Variants in FBXO11 observed in about 807,000 individuals in gnomAD.
FBXO11 encodes F-box protein 11.
In FBXO11, 13 loss-of-function variants were observed where a neutral mutation model predicts 117.0. The ratio of observed to expected loss-of-function variants is 0.11; its 90% CI spans 0.07 to 0.18. The LOEUF is 0.18. Ranked by LOEUF, FBXO11 falls within the 10% of genes least tolerant of loss-of-function variation. FBXO11 has a pLI of 1.00. For synonymous variants in FBXO11, 490 were observed against 380.5 expected, an observed-to-expected ratio of 1.29 and a Z score of -3.35; for missense variants, 767 against 1,164.4, an observed-to-expected ratio of 0.66 and a Z score of 4.97.
rs745831855 is a variant in FBXO11, at chr2:47,832,399, G to T, written c.1348C>A (p.His450Asn). 1 of 1,613,480 alleles carries T rather than the reference G, an allele frequency of 6.2e-7. No homozygotes were observed. ...NHGNPIIRRN[H>N]IHHGRDVGVF... ...CCAACATCACGTCCATGATGAATAT[G>T]ATTCCGTCTAATAATTGGGTTTCCA... Residue 450 changes from histidine (H) to asparagine (N), a missense_variant, in exon 11 of 23, where the codon CAT becomes AAT. This residue lies in a region of FBXO11 where 33 missense variants were observed against 66.1 expected (regional missense o/e 0.50). Coordinates refer to ENST00000403359, the MANE Select transcript of FBXO11 (RefSeq NM_001190274.2).
At chr2:47,881,030 A>G (rs1407545810) in intron 1 of FBXO11, among the ~76,000 whole-genome samples, 2 of 152,164 alleles carry the variant, frequency 1.3e-5, no homozygotes, top group South Asian at 2.1e-4. Context: ...TGAGGTGGGC[A>G]GATCACAAAG....
chr2:47,849,577 A>C (rs901979663), intron 1 of FBXO11, among the ~76,000 whole-genome samples: 2 of 152,262 alleles, frequency 1.3e-5, no homozygotes, highest in Non-Finnish European at 2.9e-5. Flanking sequence ...CAAGAGCCTA[A>C]GAGACAGACA....
At chr2:47,817,857 C>G (rs1436183929) in intron 16 of FBXO11, among the ~76,000 whole-genome samples, 2 of 152,180 alleles carry the variant, frequency 1.3e-5, no homozygotes, top group East Asian at 3.8e-4. Context: ...CATCAAAGAT[C>G]ACTGATCAGG....
intron 1 of FBXO11, among the ~76,000 whole-genome samples, chr2:47,897,421 G>T (rs1397404510): frequency 6.6e-6 from 1 of 152,228 alleles, no homozygotes. Flanking sequence ...TTCTGGTCGG[G>T]TGAGGTGGCT....
intron 11 of FBXO11, among the ~76,000 whole-genome samples, chr2:47,824,127 T>C (rs1671575153): frequency 6.6e-6 from 1 of 152,212 alleles, no homozygotes; most frequent in Non-Finnish European, 1.5e-5. Context: ...TACCATTAAC[T>C]AGTAAGCACA....
intron 1 of FBXO11, chr2:47,888,752 C>A: frequency 1.7e-6 from 1 of 603,822 alleles, no homozygotes. Context: ...ACCCAAGCAC[C>A]CAAACCACAC....
Position 47,834,589 on chromosome 2 carries a change from C to A in FBXO11, c.924G>T (p.Met308Ile). ...TGCATTTCAAAATACCTGCACCAATCATGGTGATTGGAGATTCAATATATA... is the reference window on the plus strand; with the variant it reads ...TGCATTTCAAAATACCTGCACCAATAATGGTGATTGGAGATTCAATATATA... Reference protein sequence around the residue: ...EWIYIESPITMIGAAPGKVAD... With the variant: ...EWIYIESPITIIGAAPGKVAD... The change falls in exon 7 of 23, where the codon ATG becomes ATT. Residue 308 changes from methionine to isoleucine, a missense_variant. By Grantham distance (10) the Met-to-Ile change is conservative. Coordinates refer to ENST00000403359, the MANE Select transcript of FBXO11 (RefSeq NM_001190274.2). 1 of 1,574,242 alleles carries A rather than the reference C, an allele frequency of 6.4e-7. No individual in the cohort carries two copies. Among genetic ancestry groups the A allele is most frequent in the Non-Finnish European group, 8.6e-7 (1 of 1,164,654 alleles).
chr2:47,905,916 G>T lies in FBXO11; in HGVS notation c.-196C>A, dbSNP rs1572944340. On this transcript the variant is annotated 5_prime_UTR_variant, in exon 1 of 23. Coordinates refer to ENST00000403359, the MANE Select transcript of FBXO11 (RefSeq NM_001190274.2). ...GGAGAAAGGCCCGGGTAGACAGACG[G>T]AGACCGAGCGAGGCCGGCCGGGAGG... is the stretch of plus-strand genomic sequence containing the variant. 3 of 582,658 alleles carry T rather than the reference G, an allele frequency of 5.1e-6. No homozygotes were observed. The South Asian group carries it at 8.3e-5, about 16-fold the overall frequency. The allele number at this position is 582,658 out of a possible 1,614,324, so 36.1% of individuals were successfully genotyped here.
intron 1 of FBXO11, among the ~76,000 whole-genome samples, chr2:47,873,123 A>G (rs1385479322): frequency 1.3e-5 from 2 of 152,194 alleles, no homozygotes; most frequent in African/African-American, 2.4e-5. Flanking sequence ...AGGTTTTCCC[A>G]GAAAGTACTC....
intron 1 of FBXO11, among the ~76,000 whole-genome samples, chr2:47,884,705 T>C (rs1215721497): frequency 1.5e-5 from 2 of 131,504 alleles, no homozygotes; most frequent in African/African-American, 2.5e-5. Flanking sequence ...ACTTCAGGTA[T>C]TTTTGAAGTA....
chr2:47,904,581 A>AACACACACACACACACAC lies in FBXO11; in HGVS notation c.232+890_232+907dup, dbSNP rs112758707. 3.4e-5 allele frequency among the ~76,000 whole-genome samples: 5 copies of AACACACACACACACACAC among 147,688 alleles called. 1 individual carries two copies. The South Asian group carries it at 8.7e-4, about 26-fold the overall frequency. On this transcript the variant is annotated intron_variant, in intron 1 of 22. Coordinates refer to ENST00000403359, the MANE Select transcript of FBXO11 (RefSeq NM_001190274.2). The stretch of plus-strand genomic sequence containing the variant: ...CAACACACACACGCGCGCGCGCGCA[A>AACACACACACACACACAC]ACACACACACACACACACACACACA...
chr2:47,813,425 A>ATTTTTTTTTTTTTTTATTTT (rs1670765213), intron 17 of FBXO11, 48 bp from the exon 18 acceptor site: 1 of 327,432 alleles, frequency 3.1e-6, no homozygotes, highest in Non-Finnish European at 4.2e-6. Context: ...TTTCTTTTTA[A>ATTTTTTTTTTTTTTTATTTT]TTTTTTTTTT....
Position 47,905,509 on chromosome 2 carries a change from C to A in FBXO11, c.212G>T (p.Arg71Leu). The stretch of plus-strand genomic sequence containing the variant: ...CTTACCCCGCTCGCCGACGTTGTTC[C>A]GCTCCTGAGGCAGCGGCGGAGGCGG... ...PPPPPPLPQE[R>L]NNVGERDDDV... is the part of the protein sequence containing the mutation. Residue 71 changes from arginine (R) to leucine (L), a missense_variant, in exon 1 of 23, where the codon CGG becomes CTG. Arg to Leu is a moderately radical substitution (Grantham distance 102). Around this residue, in one of 10 missense-constraint regions of FBXO11, gnomAD observed 355 missense variants for 299.8 expected, o/e 1.18. Coordinates refer to ENST00000403359, the MANE Select transcript of FBXO11 (RefSeq NM_001190274.2). 6 of 1,232,812 alleles carry A rather than the reference C, an allele frequency of 4.9e-6. No individual in the cohort carries two copies. The highest frequency in any genetic ancestry group is 5.1e-6 in the Non-Finnish European group (5 of 989,540). 76.4% of individuals were successfully genotyped at this position (1,232,812 alleles called of 1,614,324 possible).
chr2:47,827,567 G>A (rs754150549), intron 11 of FBXO11, among the ~76,000 whole-genome samples: 1 of 152,088 alleles, frequency 6.6e-6, no homozygotes, highest in Non-Finnish European at 1.5e-5. Context: ...TCGGCTTCCC[G>A]AAGTGCTGGG....
chr2:47,821,259 C>T (rs557097058), intron 13 of FBXO11, among the ~76,000 whole-genome samples: 11 of 152,140 alleles, frequency 7.2e-5, no homozygotes, highest in African/African-American at 1.2e-4. Flanking sequence ...AGGCAGCTCA[C>T]TTGAGGCCAG....
chr2:47,879,857 A>G (rs546828640), intron 1 of FBXO11, among the ~76,000 whole-genome samples: 1 of 152,206 alleles, frequency 6.6e-6, no homozygotes, highest in South Asian at 2.1e-4. Flanking sequence ...GTCATGCAGT[A>G]TTTGTCTTTT....
chr2:47,844,605 T>C (rs183792883), intron 1 of FBXO11, among the ~76,000 whole-genome samples: 42 of 152,306 alleles, frequency 2.8e-4, no homozygotes, highest in African/African-American at 9.6e-4. Context: ...TTTCCTTCCT[T>C]AAAAGTTTAG....
chr2:47,900,233 C>T (rs1351476792), intron 1 of FBXO11, among the ~76,000 whole-genome samples: 1 of 152,130 alleles, frequency 6.6e-6, no homozygotes, highest in African/African-American at 2.4e-5. Flanking sequence ...CTTTTTACAG[C>T]TCCCATACTT....
chr2:47,813,157 A>G, intron 18 of FBXO11, 77 bp downstream of exon 18: 1 of 1,373,632 alleles, frequency 7.3e-7, no homozygotes, highest in Non-Finnish European at 1.0e-6. Flanking sequence ...CTTAGTTAGC[A>G]ATGTCATTGA....
Sources: gnomAD v4.1 joint callset for allele counts (sites outside exome capture counted in the v4.1 genomes callset) on GRCh38, gnomAD v4.1.1 for gene constraint, gnomAD v4.1.1 regional missense constraint, MANE v1.5 for transcripts, NCBI Gene and HGNC (gene_info 2026-07-23, HGNC 2026-07-21) for gene names.